The following SLC24A3 variants were observed in gnomAD, a reference collection of about 807,000 sequenced individuals.
SLC24A3 encodes the protein sodium/potassium/calcium exchanger 3.
SLC24A3 carries 28 observed loss-of-function variants against 75.8 expected under a neutral mutation model. The ratio of observed to expected loss-of-function variants is 0.37; its 90% confidence interval spans 0.27 to 0.51. SLC24A3 has a LOEUF of 0.51. Among genes scored for constraint, SLC24A3 ranks in the 20% least tolerant of loss-of-function variants. SLC24A3 has a pLI of 0.94. For missense variants in SLC24A3, 663 were observed against 847.8 expected, an observed-to-expected ratio of 0.78 and a Z score of 2.71; for synonymous variants, 372 against 334.1, an observed-to-expected ratio of 1.11 and a Z score of -1.24.
chr20:19,720,932 A>AC lies in SLC24A3; in HGVS notation c.1786-53dup, dbSNP rs2033098472. 2.4e-5 allele frequency: 39 copies of AC among 1,593,934 alleles called. No homozygotes were observed. The South Asian group carries it at 3.8e-4, about 15-fold the overall frequency. On this transcript the variant is annotated intron_variant, in intron 16 of 16. Transcript: ENST00000328041. ...CCGGGTCCCCTGGGTTCCCCTACCA[A>AC]CCCCCCAAAGGCTGCTGCCTCCTCC...
At chr20:19,701,366 A>AC (rs11481430) in intron 15 of SLC24A3, among the ~76,000 whole-genome samples, 1 of 151,632 alleles carries the variant, frequency 6.6e-6, no homozygotes, top group Admixed American at 6.6e-5. Flanking sequence ...TTAAAAAAAA[A>AC]CATTAATTCA....
At chr20:19,505,799 G>A (rs1354362532) in intron 2 of SLC24A3, among the ~76,000 whole-genome samples, 2 of 152,196 alleles carry the variant, frequency 1.3e-5, no homozygotes, top group African/African-American at 4.8e-5. Context: ...TGCCTGGGCA[G>A]GGGAACCTTT....
intron 3 of SLC24A3, among the ~76,000 whole-genome samples, chr20:19,537,608 C>T (rs1484632938): frequency 6.6e-6 from 1 of 152,126 alleles, no homozygotes; most frequent in Non-Finnish European, 1.5e-5. Flanking sequence ...TTCACAATAG[C>T]AAAGACTTGG....
At chr20:19,479,952 G>A (rs1291314642) in intron 2 of SLC24A3, among the ~76,000 whole-genome samples, 2 of 152,216 alleles carry the variant, frequency 1.3e-5, no homozygotes, top group Admixed American at 6.5e-5. Context: ...CCAGGGACTT[G>A]AACAAGCTGC....
chr20:19,465,653 C>T (rs1987752968), intron 2 of SLC24A3, among the ~76,000 whole-genome samples: 1 of 152,174 alleles, frequency 6.6e-6, no homozygotes, highest in South Asian at 2.1e-4. Context: ...CAACTGTGGC[C>T]TCCTCTTAGC....
intron 2 of SLC24A3, among the ~76,000 whole-genome samples, chr20:19,427,692 G>A (rs1039760881): frequency 6.6e-6 from 1 of 152,174 alleles, no homozygotes; most frequent in Non-Finnish European, 1.5e-5. Context: ...CTCCTCCCAG[G>A]CCTGTCCTGG....
chr20:19,324,068 C>T lies in SLC24A3; in HGVS notation c.271+42981C>T, dbSNP rs532102035. ...CGGCGCAGGATGAGAGCCCAGAAAA[C>T]GCTGCTGGTGATGACTGAACAAGCT... On this transcript the variant is annotated intron_variant, in intron 2 of 16. Coordinates refer to ENST00000328041, the MANE Select transcript of SLC24A3 (RefSeq NM_020689.4). Among the ~76,000 whole-genome samples the T allele has an allele frequency of 8.9e-4, 136 of 152,258 alleles. 1 individual carries two copies. The highest frequency in any genetic ancestry group is 3.2e-3 in the African/African-American group (131 of 41,546).
chr20:19,231,760 C>T (rs932603742), intron 1 of SLC24A3, among the ~76,000 whole-genome samples: 3 of 152,216 alleles, frequency 2.0e-5, no homozygotes, highest in Non-Finnish European at 4.4e-5. Context: ...CGCACGCACC[C>T]AGTGTATCGA....
rs540088845 is a variant in SLC24A3, at chr20:19,701,564, T to C, written c.1719+2884T>C. On this transcript the variant is annotated intron_variant, in intron 15 of 16. Transcript: ENST00000328041. ...CCTAACTTCCTTAAAAAATATTTAG[T>C]GGCTTTCTGTCTCTACTCAGTCATA... Among the ~76,000 whole-genome samples the C allele has an allele frequency of 9.5e-4, 145 of 152,240 alleles. 1 individual carries two copies. The highest frequency in any genetic ancestry group is 3.5e-3 in the African/African-American group (145 of 41,542).
intron 3 of SLC24A3, among the ~76,000 whole-genome samples, chr20:19,539,730 G>C (rs2030463219): frequency 6.6e-6 from 1 of 152,092 alleles, no homozygotes; most frequent in African/African-American, 2.4e-5. Context: ...GTGACACAGG[G>C]ACCTTCAGAA....
At chr20:19,464,932 G>A (rs896781273) in intron 2 of SLC24A3, among the ~76,000 whole-genome samples, 1 of 152,236 alleles carries the variant, frequency 6.6e-6, no homozygotes, top group African/African-American at 2.4e-5. Context: ...CAGCAGCGCT[G>A]TCCAGTGGAT....
At chr20:19,706,177 C>T (rs571075437) in intron 15 of SLC24A3, among the ~76,000 whole-genome samples, 56 of 152,296 alleles carry the variant, frequency 3.7e-4, no homozygotes, top group African/African-American at 1.3e-3. Flanking sequence ...AATATTCTCA[C>T]CCCACACTGT....
At chr20:19,517,388 A>G (rs1004625459) in intron 3 of SLC24A3, among the ~76,000 whole-genome samples, 2 of 152,064 alleles carry the variant, frequency 1.3e-5, no homozygotes, top group Non-Finnish European at 2.9e-5. Context: ...CTCTGGACTC[A>G]CTGAGTCATC....
At chr20:19,461,457 A>G (rs1366738881) in intron 2 of SLC24A3, among the ~76,000 whole-genome samples, 6 of 151,870 alleles carry the variant, frequency 4.0e-5, no homozygotes, top group Non-Finnish European at 5.9e-5. Flanking sequence ...TATAGTCTGT[A>G]TATAATATGC....
At chr20:19,420,669 T>C (rs1986903023) in intron 2 of SLC24A3, among the ~76,000 whole-genome samples, 1 of 93,038 alleles carries the variant, frequency 1.1e-5, no homozygotes. Context: ...CCAATGACTT[T>C]CTTCACAGAA....
At chr20:19,259,894 A>G (rs1037344503) in intron 1 of SLC24A3, among the ~76,000 whole-genome samples, 1 of 152,192 alleles carries the variant, frequency 6.6e-6, no homozygotes, top group Non-Finnish European at 1.5e-5. Context: ...TCCTTTTAAC[A>G]AAGTAGGTCT....
rs768396289 is a variant in SLC24A3, at chr20:19,700,711, C to G, written c.1719+2031C>G. ...GCAATTTTATACATTGCTTTTTATA[C>G]TTCCTGTTATATCAAACGTTTTTTC... On this transcript the variant is annotated intron_variant, in intron 15 of 16. Coordinates refer to ENST00000328041, the MANE Select transcript of SLC24A3 (RefSeq NM_020689.4). 1.3e-4 allele frequency among the ~76,000 whole-genome samples: 20 copies of G among 152,200 alleles called. 1 individual carries two copies. The highest frequency in any genetic ancestry group is 2.1e-4 in the Non-Finnish European group (14 of 68,034).
rs201204507 is a variant in SLC24A3 at position 19,346,077 on chromosome 20, A to ATGGTGTGTGTGTGTGTG, written c.271+64991_271+64992insGGTGTGTGTGTGTGTGT. On this transcript the variant is annotated intron_variant, in intron 2 of 16. Transcript: ENST00000328041. ...AATAAAGAAAACTATATATATATAT[A>ATGGTGTGTGTGTGTGTG]TATATATATATATATATATATATAT... 1.7e-3 allele frequency among the ~76,000 whole-genome samples: 104 copies of ATGGTGTGTGTGTGTGTG among 60,292 alleles called. 21 individuals carry two copies. Among genetic ancestry groups the ATGGTGTGTGTGTGTGTG allele is most frequent in the African/African-American group, 0.015 (98 of 6,448 alleles). The allele number at this position is 60,292 out of a possible 152,430, so 39.6% of individuals were successfully genotyped here.
rs1389319185 is a variant in SLC24A3, at chr20:19,230,617, C to T, written c.142+17633C>T. On this transcript the variant is annotated intron_variant, in intron 1 of 16. Transcript: ENST00000328041. Reference sequence around the variant, plus strand: ...CTCTGAATGGATGGGTATAGAAAGACATATTGATGGGGGGGAATGGATGGG... The same window carrying T: ...CTCTGAATGGATGGGTATAGAAAGATATATTGATGGGGGGGAATGGATGGG... Among the ~76,000 whole-genome samples, 11 of 113,772 alleles carry T rather than the reference C, an allele frequency of 9.7e-5. No homozygotes were observed. The Admixed American group carries it at 1.1e-3, about 11-fold the overall frequency. 74.6% of individuals were successfully genotyped at this position (113,772 alleles called of 152,430 possible).
Sources: gnomAD v4.1 joint callset for allele counts (sites outside exome capture counted in the v4.1 genomes callset) on GRCh38, gnomAD v4.1.1 for gene constraint, MANE v1.5 for transcripts, NCBI Gene and HGNC (gene_info 2026-07-23, HGNC 2026-07-21) for gene names.